The following NRF1 variants were observed in gnomAD, a reference collection of about 807,000 sequenced individuals.
NRF1 encodes alpha palindromic-binding protein.
NRF1 carries 5 observed loss-of-function variants against 58.5 expected under a neutral mutation model. The ratio of observed to expected loss-of-function variants is 0.09; its 90% CI spans 0.04 to 0.18. The LOEUF (loss-of-function observed/expected upper bound fraction) is 0.18. Ranked by LOEUF, NRF1 falls within the 10% of genes least tolerant of loss-of-function variation. The pLI is 1.00. For missense variants in NRF1, 288 were observed against 657.7 expected (o/e 0.44, Z 6.15); for synonymous variants, 224 against 246.7 (o/e 0.91, Z 0.86).
At chr7:129,648,404 C>T (rs1302048738) in intron 1 of NRF1, among the ~76,000 whole-genome samples, 5 of 151,532 alleles carry the variant, frequency 3.3e-5, no homozygotes, top group Admixed American at 1.3e-4. Flanking sequence ...CTCTGCCTCC[C>T]GAGTAGCTGG....
intron 3 of NRF1, among the ~76,000 whole-genome samples, chr7:129,677,007 ATT>A (rs56059756): frequency 8.8e-6 from 1 of 113,546 alleles, no homozygotes; most frequent in Non-Finnish European, 1.7e-5. Flanking sequence ...TCTTGGTTGC[ATT>A]TTTTTTTTTT....
chr7:129,619,390 A>G (rs1399385960), intron 1 of NRF1, among the ~76,000 whole-genome samples: 2 of 78,398 alleles, frequency 2.6e-5, no homozygotes, highest in Non-Finnish European at 4.7e-5. Context: ...TGGACTTGGC[A>G]TACGTGTATA....
intron 4 of NRF1, among the ~76,000 whole-genome samples, chr7:129,683,633 ATT>A (rs36101502): frequency 1.0e-4 from 12 of 117,414 alleles, no homozygotes; most frequent in Admixed American, 9.4e-5. Context: ...ACTGGCCGGA[ATT>A]TTTTTTTTTT....
At chr7:129,616,045 A>G (rs1800652176) in intron 1 of NRF1, among the ~76,000 whole-genome samples, 2 of 152,206 alleles carry the variant, frequency 1.3e-5, no homozygotes, top group South Asian at 2.1e-4. Flanking sequence ...CTTAGAATAT[A>G]TATATATACA....
intron 9 of NRF1, among the ~76,000 whole-genome samples, 153 bp downstream of exon 9, chr7:129,717,529 T>G (rs564793530): frequency 6.6e-6 from 1 of 152,342 alleles, no homozygotes. Context: ...GTTTGGCCTA[T>G]AATAGGTCAG....
In NRF1 at chr7:129,627,447, C is replaced by G. The variant is rs1800944759; in HGVS notation, c.-7+15623C>G. On this transcript the variant is annotated intron_variant, in intron 1 of 10. Coordinates refer to ENST00000393232, the MANE Select transcript of NRF1 (RefSeq NM_005011.5). ...TCTTGCCCAGGCTGGTCTCAAACTC[C>G]TGGGCTCAAGCAATCCTCCAAAGTG... is the stretch of plus-strand genomic sequence containing the variant. 2.0e-5 allele frequency among the ~76,000 whole-genome samples: 3 copies of G among 152,056 alleles called. No homozygotes were observed. In the South Asian group the frequency reaches 6.2e-4, roughly 32 times the overall value.
At chr7:129,689,708 T>C (rs537240148) in intron 4 of NRF1, among the ~76,000 whole-genome samples, 3 of 152,292 alleles carry the variant, frequency 2.0e-5, no homozygotes, top group African/African-American at 7.2e-5. Context: ...AACAACAATA[T>C]CTGGTTCCAA....
chr7:129,705,028 A>G (rs991657451), intron 5 of NRF1, among the ~76,000 whole-genome samples: 1 of 152,234 alleles, frequency 6.6e-6, no homozygotes, highest in African/African-American at 2.4e-5. Context: ...ATTACCAATC[A>G]GTTGCCAAAG....
At chr7:129,735,855 A>G (rs576218612) in intron 10 of NRF1, among the ~76,000 whole-genome samples, 1 of 151,954 alleles carries the variant, frequency 6.6e-6, no homozygotes, top group African/African-American at 2.4e-5. Context: ...AAAAAATACA[A>G]ATATTAGCCA....
At chr7:129,714,962 A>T (rs979510740) in intron 8 of NRF1, among the ~76,000 whole-genome samples, 14 of 152,308 alleles carry the variant, frequency 9.2e-5, no homozygotes, top group Admixed American at 1.3e-4. Context: ...AGGTCCTGAG[A>T]CCCAGGAGTC....
intron 10 of NRF1, among the ~76,000 whole-genome samples, chr7:129,739,071 G>A (rs908075296): frequency 2.0e-5 from 3 of 152,144 alleles, no homozygotes; most frequent in East Asian, 1.9e-4. Context: ...AAAGACTCAC[G>A]GTAAATCTTA....
chr7:129,654,690 C>T (rs756538653), intron 1 of NRF1, among the ~76,000 whole-genome samples: 19 of 152,264 alleles, frequency 1.2e-4, no homozygotes, highest in Non-Finnish European at 2.4e-4. Context: ...TCACTTGTTC[C>T]AGCACCATTC....
At chr7:129,740,178 A>G (rs146409415) in intron 10 of NRF1, among the ~76,000 whole-genome samples, 45 of 152,180 alleles carry the variant, frequency 3.0e-4, no homozygotes, top group East Asian at 7.7e-4. Context: ...TGACTCCCCA[A>G]TCTCCCCCAT....
chr7:129,696,495 G>C (rs1285758737), intron 5 of NRF1, among the ~76,000 whole-genome samples: 34 of 152,162 alleles, frequency 2.2e-4, no homozygotes, highest in Admixed American at 2.2e-3. Context: ...AGTCAAGGAA[G>C]CAGAGCTCAG....
chr7:129,726,896 A>G (rs914205431), intron 9 of NRF1, among the ~76,000 whole-genome samples: 1 of 152,210 alleles, frequency 6.6e-6, no homozygotes, highest in Non-Finnish European at 1.5e-5. Flanking sequence ...CATTGTGAAT[A>G]TGGATCAGAG....
chr7:129,706,761 G>T (rs1349778741), intron 5 of NRF1, among the ~76,000 whole-genome samples: 6 of 152,114 alleles, frequency 3.9e-5, no homozygotes, highest in Non-Finnish European at 7.4e-5. Flanking sequence ...GTGCCAACGT[G>T]ACCCAGAACT....
chr7:129,735,615 G>T (rs865897367), intron 10 of NRF1, among the ~76,000 whole-genome samples: 1 of 151,776 alleles, frequency 6.6e-6, no homozygotes, highest in African/African-American at 2.4e-5. Context: ...ACAGCCCTTC[G>T]CAAGTATCCT....
chr7:129,670,496 T>C (rs1802022794), intron 2 of NRF1, among the ~76,000 whole-genome samples: 1 of 152,204 alleles, frequency 6.6e-6, no homozygotes, highest in Non-Finnish European at 1.5e-5. Context: ...ACTAACAACA[T>C]GTAGAAAAGT....
At chr7:129,665,535 TA>T (rs1801900010) in intron 2 of NRF1, among the ~76,000 whole-genome samples, 1 of 152,258 alleles carries the variant, frequency 6.6e-6, no homozygotes, top group South Asian at 2.1e-4. Context: ...GTAGTGCAAC[TA>T]AACGAAATCT....
Sources: allele counts gnomAD v4.1 joint callset (sites outside exome capture counted in the v4.1 genomes callset), GRCh38; gene constraint gnomAD v4.1.1; transcripts MANE v1.5; gene names NCBI Gene and HGNC (gene_info 2026-07-23, HGNC 2026-07-21).